The following NBPF3 variants were observed in gnomAD, a reference collection of about 807,000 sequenced individuals.
The protein encoded by NBPF3 is NBPF member 3.
In NBPF3, 57 loss-of-function variants were observed where a neutral mutation model predicts 78.1. The observed-to-expected ratio is 0.73, with a 90% CI of 0.59 to 0.91. The LOEUF is 0.91. NBPF3 is among the 40% of genes least tolerant of loss of function. The probability of loss-of-function intolerance (pLI) is 0.00; values close to 1 mark genes in which losing one functional copy is unlikely to be tolerated. For missense variants in NBPF3, 510 were observed against 715.3 expected, an observed-to-expected ratio of 0.71 and a Z score of 3.27; for synonymous variants, 182 against 271.7, an observed-to-expected ratio of 0.67 and a Z score of 3.25.
At chr1:21,473,253 G>C in intron 6 of NBPF3, 127 bp from the exon 7 acceptor site, 1 of 1,171,912 alleles carries the variant, frequency 8.5e-7, no homozygotes, top group Admixed American at 1.7e-5. Context: ...CCCTCTTAAA[G>C]GGATCCTCCT....
upstream of NBPF3, chr1:21,440,034 G>C (rs2147878696): frequency 6.6e-6 from 1 of 152,442 alleles, no homozygotes; most frequent in African/African-American, 2.4e-5. Context: ...AGGCCGCCGA[G>C]TCCCTTTAAG....
At chr1:21,477,720 T>C (rs1052393208) in intron 8 of NBPF3, among the ~76,000 whole-genome samples, 1 of 151,960 alleles carries the variant, frequency 6.6e-6, no homozygotes, top group Non-Finnish European at 1.5e-5. Flanking sequence ...AAACATATTA[T>C]ATCAAAATAT....
At chr1:21,475,049 C>A in intron 8 of NBPF3, 98 bp downstream of exon 8, 2 of 1,030,234 alleles carry the variant, frequency 1.9e-6, no homozygotes. Flanking sequence ...CTTTTTATTC[C>A]ATTCACCCAG....
At chr1:21,451,203 A>G (rs115992625) in intron 2 of NBPF3, among the ~76,000 whole-genome samples, 5,953 of 152,306 alleles carry the variant, frequency 0.039, 192 homozygotes, top group South Asian at 0.086. Flanking sequence ...TGAATGTATC[A>G]CAGTTTATTG....
chr1:21,468,604 T>C, intron 2 of NBPF3, 84 bp from the exon 3 acceptor site: 1 of 1,605,022 alleles, frequency 6.2e-7, no homozygotes, highest in Non-Finnish European at 8.5e-7. Context: ...AGAATTTCAG[T>C]TACTGACATC....
intron 1 of NBPF3, among the ~76,000 whole-genome samples, chr1:21,443,676 T>TAC: frequency 6.6e-6 from 1 of 152,010 alleles, no homozygotes; most frequent in Non-Finnish European, 1.5e-5. Context: ...TGCAGTGGTA[T>TAC]GATCATGGCT....
rs1361101548 is a variant in NBPF3, at chr1:21,484,372, G to A, written c.*986G>A. 2 of 124,560 alleles carry A rather than the reference G, an allele frequency of 1.6e-5. No homozygotes were observed. Among genetic ancestry groups the A allele is most frequent in the Non-Finnish European group, 1.7e-5 (1 of 58,060 alleles). 7.7% of individuals were successfully genotyped at this position (124,560 alleles called of 1,614,324 possible). On this transcript the variant is annotated 3_prime_UTR_variant, in exon 15 of 15. Transcript: ENST00000318249. ...TTGTTGTCATTGATTTTGGTGACATGGACTTGTTTGTAGAGGACAGGTCAG... is the reference window on the plus strand; with the variant it reads ...TTGTTGTCATTGATTTTGGTGACATAGACTTGTTTGTAGAGGACAGGTCAG...
At chr1:21,441,772 C>A (rs1469821987) in intron 1 of NBPF3, among the ~76,000 whole-genome samples, 2 of 148,522 alleles carry the variant, frequency 1.3e-5, no homozygotes, top group African/African-American at 5.0e-5. Flanking sequence ...AGAAATAGAA[C>A]ATTACTAGAC....
intron 2 of NBPF3, among the ~76,000 whole-genome samples, chr1:21,462,247 C>T (rs1227171301): frequency 6.6e-6 from 1 of 152,160 alleles, no homozygotes; most frequent in African/African-American, 2.4e-5. Flanking sequence ...GGGGCTAAGG[C>T]GGTGACAACA....
At chr1:21,454,581 G>A (rs936464626) in intron 2 of NBPF3, among the ~76,000 whole-genome samples, 2 of 152,126 alleles carry the variant, frequency 1.3e-5, no homozygotes, top group South Asian at 2.1e-4. Flanking sequence ...TCTCAAGAAT[G>A]CAATATCTTC....
rs149171985 is a variant in NBPF3 at position 21,473,475 on chromosome 1, A to G, written c.830A>G (p.Asn277Ser). ...AATAGCCACCACCCTTGTGAGTCCA[A>G]CCAGCCTTACGGGAACACCAGAATC... ...CSNSHHPCES[N>S]QPYGNTRITF... is the part of the protein sequence containing the mutation. Residue 277 changes from asparagine to serine, a missense_variant, in exon 7 of 15, where the codon AAC becomes AGC. Physicochemically the swap from Asn to Ser is conservative, Grantham distance 46 (BLOSUM62 1). Transcript: ENST00000318249. 3 of 1,614,108 alleles carry G rather than the reference A, an allele frequency of 1.9e-6. No individual in the cohort carries two copies. The highest frequency in any genetic ancestry group is 2.5e-6 in the Non-Finnish European group (3 of 1,180,052).
intron 5 of NBPF3, among the ~76,000 whole-genome samples, chr1:21,472,262 T>C (rs984679960): frequency 5.9e-5 from 9 of 152,174 alleles, no homozygotes; most frequent in African/African-American, 2.2e-4. Context: ...GTGGGAACAC[T>C]TAGGACTGCT....
upstream of NBPF3, chr1:21,436,856 G>A (rs1340973482): frequency 3.9e-6 from 3 of 773,764 alleles, no homozygotes; most frequent in Non-Finnish European, 5.3e-6. The surrounding 1 kb of genome is among the most constrained non-coding windows in gnomAD (Gnocchi z 4.3). Flanking sequence ...GGCCCGGGGG[G>A]AGGGGCTCGC....
intron 2 of NBPF3, among the ~76,000 whole-genome samples, chr1:21,467,479 T>G (rs1642339355): frequency 6.6e-6 from 1 of 152,142 alleles, no homozygotes; most frequent in Non-Finnish European, 1.5e-5. Flanking sequence ...ACTGCAACAC[T>G]GAGGATCACC....
At chr1:21,457,420 A>G (rs1177524002) in intron 2 of NBPF3, among the ~76,000 whole-genome samples, 2 of 122,998 alleles carry the variant, frequency 1.6e-5, no homozygotes, top group Admixed American at 1.8e-4. Flanking sequence ...GTGTATATAT[A>G]TGTGTGTTTA....
intron 5 of NBPF3, 119 bp downstream of exon 5, chr1:21,471,902 C>A: frequency 7.3e-7 from 1 of 1,368,928 alleles, no homozygotes; most frequent in Non-Finnish European, 1.0e-6. Context: ...ACGTATGTGG[C>A]CGTGACATAA....
chr1:21,444,397 C>A (rs1382921540), intron 1 of NBPF3, among the ~76,000 whole-genome samples: 3 of 152,202 alleles, frequency 2.0e-5, no homozygotes, highest in Admixed American at 2.0e-4. Context: ...GATAGACCAG[C>A]TAGACCAGTA....
rs149114454 is a variant in NBPF3, at chr1:21,462,780, C to G, written c.134-5908C>G. On this transcript the variant is annotated intron_variant, in intron 2 of 14. Transcript: ENST00000318249. ...AGGAACTGGTTTCTAATTCTTATTC[C>G]TCTCCTCACTAGTTTTGTGACCTAG... 3.0e-3 allele frequency among the ~76,000 whole-genome samples: 456 copies of G among 152,282 alleles called. 2 individuals carry two copies. The highest frequency in any genetic ancestry group is 0.01 in the African/African-American group (424 of 41,554).
chr1:21,441,713 A>C (rs1640662450), intron 1 of NBPF3, among the ~76,000 whole-genome samples: 1 of 151,058 alleles, frequency 6.6e-6, no homozygotes, highest in African/African-American at 2.4e-5. Context: ...TCTCAAAAAA[A>C]AAAAAAAAAA....
Sources: allele counts gnomAD v4.1 joint callset (sites outside exome capture counted in the v4.1 genomes callset), GRCh38; gene constraint gnomAD v4.1.1; non-coding constraint Gnocchi (gnomAD v3.1); transcripts MANE v1.5; gene names NCBI Gene and HGNC (gene_info 2026-07-23, HGNC 2026-07-21).